Variants in CTIF observed in about 807,000 individuals in gnomAD.
The protein encoded by CTIF is cap binding complex dependent translation initiation factor, also known as CBP80/20-dependent translation initiation factor.
A neutral mutation model predicts 66.0 loss-of-function variants in CTIF; 21 were observed. The ratio of observed to expected loss-of-function variants is 0.32; its 90% CI spans 0.23 to 0.46. The LOEUF (loss-of-function observed/expected upper bound fraction) is 0.46. CTIF is among the 20% of genes least tolerant of loss of function. The pLI is 1.00. For synonymous variants in CTIF, 345 were observed against 326.4 expected (o/e 1.06, Z -0.62); for missense variants, 739 against 812.7 (o/e 0.91, Z 1.10).
chr18:48,704,807 G>A (rs1447197450), intron 6 of CTIF, among the ~76,000 whole-genome samples: 1 of 152,198 alleles, frequency 6.6e-6, no homozygotes, highest in Non-Finnish European at 1.5e-5. Context: ...GGAACCAGGG[G>A]TTAAGACTTC....
chr18:48,578,691 G>T (rs147100788), intron 1 of CTIF, among the ~76,000 whole-genome samples: 9 of 152,126 alleles, frequency 5.9e-5, no homozygotes, highest in Non-Finnish European at 1.2e-4. Flanking sequence ...TTTTAGTTTG[G>T]TTATTTGTCT....
intron 7 of CTIF, among the ~76,000 whole-genome samples, chr18:48,743,732 CTG>C (rs931605932): frequency 1.9e-4 from 29 of 152,142 alleles, no homozygotes; most frequent in African/African-American, 7.0e-4. Context: ...AATCTAAAAA[CTG>C]TATTTGACAT....
intron 1 of CTIF, among the ~76,000 whole-genome samples, chr18:48,575,380 C>T (rs920249451): frequency 2.0e-5 from 3 of 152,204 alleles, no homozygotes; most frequent in African/African-American, 7.2e-5. Context: ...GCCTTTTTCC[C>T]ACAAAGCTGG....
chr18:48,802,902 C>G (rs944383019), intron 9 of CTIF, among the ~76,000 whole-genome samples: 1 of 152,242 alleles, frequency 6.6e-6, no homozygotes, highest in Admixed American at 6.5e-5. Context: ...CCAGCCTTCT[C>G]TCTCTGCTCA....
chr18:48,778,832 C>T lies in CTIF; in HGVS notation c.1371+17143C>T, dbSNP rs576988010. On this transcript the variant is annotated intron_variant, in intron 9 of 11. Transcript: ENST00000256413. ...GTTCTGGGGGCATTCTCACTAGCAC[C>T]GCATCGGGACACATCAGTCCAGCAG... 4.3e-4 allele frequency among the ~76,000 whole-genome samples: 66 copies of T among 152,288 alleles called. 1 individual carries two copies. Among genetic ancestry groups the T allele is most frequent in the African/African-American group, 1.5e-3 (61 of 41,558 alleles).
intron 1 of CTIF, among the ~76,000 whole-genome samples, chr18:48,585,898 G>T (rs1394446374): frequency 6.6e-6 from 1 of 152,096 alleles, no homozygotes; most frequent in African/African-American, 2.4e-5. Context: ...CTGATGCTTT[G>T]TTTTCCTGCC....
At chr18:48,595,052 T>A (rs2089965376) in intron 1 of CTIF, among the ~76,000 whole-genome samples, 1 of 152,134 alleles carries the variant, frequency 6.6e-6, no homozygotes, top group South Asian at 2.1e-4. Context: ...ACATCCGTCT[T>A]CCCTTCCCTG....
chr18:48,821,917 G>T (rs1386320104), intron 10 of CTIF, among the ~76,000 whole-genome samples: 1 of 152,158 alleles, frequency 6.6e-6, no homozygotes, highest in Non-Finnish European at 1.5e-5. Context: ...ATAATGTTGT[G>T]CAGATCTCCA....
At chr18:48,569,058 CTG>C (rs2089351006) in intron 1 of CTIF, among the ~76,000 whole-genome samples, 1 of 152,180 alleles carries the variant, frequency 6.6e-6, no homozygotes, top group African/African-American at 2.4e-5. Flanking sequence ...CTGGCTCTGT[CTG>C]TGTCCCAGCC....
chr18:48,545,374 T>A (rs142170821), intron 1 of CTIF, among the ~76,000 whole-genome samples: 9 of 151,818 alleles, frequency 5.9e-5, no homozygotes, highest in South Asian at 2.1e-4. Context: ...GCCATGGGAC[T>A]GGTGAGGCAG....
intron 9 of CTIF, among the ~76,000 whole-genome samples, chr18:48,791,469 C>G (rs1033359139): frequency 1.3e-5 from 2 of 152,184 alleles, no homozygotes; most frequent in African/African-American, 2.4e-5. Context: ...AGAGAGTGGC[C>G]CAGGGTTGGG....
At chr18:48,583,171 AC>A (rs939086472) in intron 1 of CTIF, among the ~76,000 whole-genome samples, 2 of 151,828 alleles carry the variant, frequency 1.3e-5, no homozygotes, top group Non-Finnish European at 1.5e-5. Context: ...ACCTGGTGTG[AC>A]CCCCACACAT....
chr18:48,673,528 G>C (rs2091573710), intron 6 of CTIF: 2 of 152,212 alleles, frequency 1.3e-5, no homozygotes, highest in South Asian at 4.1e-4. Context: ...CCACATCTCA[G>C]TGGAATCACA....
At chr18:48,726,530 A>G (rs1333938793) in intron 7 of CTIF, among the ~76,000 whole-genome samples, 1 of 152,150 alleles carries the variant, frequency 6.6e-6, no homozygotes, top group Non-Finnish European at 1.5e-5. Context: ...AGCCTCCTTC[A>G]CAAGGTGGTT....
In CTIF at chr18:48,584,205, C is replaced by T. The variant is rs147149474; in HGVS notation, c.-28-35333C>T. ...ATTTTTGAGCAGTACACAAGCTGCGCGACTGTATATGATCACCCTTTGAGA... is the reference window on the plus strand; with the variant it reads ...ATTTTTGAGCAGTACACAAGCTGCGTGACTGTATATGATCACCCTTTGAGA... On this transcript the variant is annotated intron_variant, in intron 1 of 11. Transcript: ENST00000256413. 1.8e-4 allele frequency among the ~76,000 whole-genome samples: 27 copies of T among 152,238 alleles called. No individual in the cohort carries two copies. In the East Asian group the frequency reaches 2.9e-3, roughly 16 times the overall value.
intron 7 of CTIF, among the ~76,000 whole-genome samples, chr18:48,739,942 C>T (rs1324682441): frequency 6.6e-6 from 1 of 152,196 alleles, no homozygotes; most frequent in Non-Finnish European, 1.5e-5. Flanking sequence ...TGGGGTCTAC[C>T]AGGCTATTGC....
intron 1 of CTIF, among the ~76,000 whole-genome samples, chr18:48,550,628 T>C (rs927931826): frequency 1.5e-4 from 23 of 152,166 alleles, no homozygotes; most frequent in African/African-American, 5.6e-4. Flanking sequence ...CCTCCCCCTC[T>C]TCCCACAGCA....
chr18:48,797,217 T>C (rs1375020442), intron 9 of CTIF, among the ~76,000 whole-genome samples: 1 of 152,226 alleles, frequency 6.6e-6, no homozygotes, highest in African/African-American at 2.4e-5. Flanking sequence ...GCACGATGGC[T>C]CACACCTGTG....
chr18:48,659,014 C>G (rs1253685142), intron 3 of CTIF, among the ~76,000 whole-genome samples: 1 of 152,190 alleles, frequency 6.6e-6, no homozygotes, highest in African/African-American at 2.4e-5. Flanking sequence ...AAGGAAAGCT[C>G]TGCAGGTGAG....
Sources: gnomAD v4.1 joint callset for allele counts (sites outside exome capture counted in the v4.1 genomes callset) on GRCh38, gnomAD v4.1.1 for gene constraint, MANE v1.5 for transcripts, NCBI Gene and HGNC (gene_info 2026-07-23, HGNC 2026-07-21) for gene names.